DCDC1: variants seen among roughly 807,000 people sequenced by gnomAD.
The protein encoded by DCDC1 is doublecortin domain containing 1, also known as doublecortin domain-containing protein 1.
DCDC1 carries 200 observed loss-of-function variants against 178.3 expected under a neutral mutation model. The ratio of observed to expected loss-of-function variants is 1.12; its 90% CI spans 1.00 to 1.26. The LOEUF (loss-of-function observed/expected upper bound fraction) is 1.26, where lower values mean the gene tolerates loss of function less well. Among genes scored for constraint, DCDC1 ranks in the 50% most tolerant of loss-of-function variants. The pLI is 0.00. For missense variants in DCDC1, 1,983 were observed against 1,749.2 expected (o/e 1.13, Z -2.38); for synonymous variants, 690 against 604.8 (o/e 1.14, Z -2.07).
At chr11:31,214,026 T>A (rs1423360137) in intron 9 of DCDC1, among the ~76,000 whole-genome samples, 1 of 152,156 alleles carries the variant, frequency 6.6e-6, no homozygotes, top group African/African-American at 2.4e-5. Flanking sequence ...ATTTATAAAT[T>A]TCTGTAATTT....
At position 30,924,004 on chromosome 11, in the gene DCDC1, T is replaced by C. The variant is rs146500881; in HGVS notation, c.2997+1305A>G. Among the ~76,000 whole-genome samples the C allele has an allele frequency of 1.8e-4, 28 of 152,310 alleles. No homozygotes were observed. In the South Asian group the frequency reaches 4.1e-3, roughly 23 times the overall value. ...CTAACTGTTTATGTTTCCATCTTCA[T>C]GTTACTCTTCAGAGCAGTGACAGAT... On this transcript the variant is annotated intron_variant, in intron 23 of 38. Coordinates refer to ENST00000684477, the MANE Select transcript of DCDC1 (RefSeq NM_001387274.1).
chr11:30,881,322 G>C lies in DCDC1; in HGVS notation c.5083-14C>G, dbSNP rs2133975693. 4 of 1,611,340 alleles carry C rather than the reference G, an allele frequency of 2.5e-6. No homozygotes were observed. In the East Asian group the frequency reaches 8.9e-5, roughly 36 times the overall value. On this transcript the variant is annotated splice_polypyrimidine_tract_variant and intron_variant, in intron 36 of 38. Transcript: ENST00000684477. ...GTCTTGCAGCAGCTGAGACACAGAGGGACAGCCACATTTGAATACGGAATG... is the reference window on the plus strand; with the variant it reads ...GTCTTGCAGCAGCTGAGACACAGAGCGACAGCCACATTTGAATACGGAATG...
At chr11:30,915,872 CAGCACTGCACTTCTA>C (rs1285085193) in intron 26 of DCDC1, among the ~76,000 whole-genome samples, 161 bp from the exon 27 acceptor site, 1 of 152,142 alleles carries the variant, frequency 6.6e-6, no homozygotes, top group East Asian at 1.9e-4. Context: ...GCAATGCTAC[CAGCACTGCACTTCTA>C]AGCTGACATA....
intron 7 of DCDC1, among the ~76,000 whole-genome samples, chr11:31,283,657 TG>T (rs1184908397): frequency 6.6e-6 from 1 of 152,144 alleles, no homozygotes; most frequent in Non-Finnish European, 1.5e-5. Context: ...CTGGTCAAAA[TG>T]CAAATGTCTC....
At chr11:31,033,550 T>C (rs1053098176) in intron 20 of DCDC1, among the ~76,000 whole-genome samples, 1 of 152,190 alleles carries the variant, frequency 6.6e-6, no homozygotes, top group African/African-American at 2.4e-5. Context: ...ATCTTAAGTT[T>C]TGGCTTAAGA....
chr11:30,917,523 T>C (rs1444195620), intron 25 of DCDC1, among the ~76,000 whole-genome samples: 1 of 152,194 alleles, frequency 6.6e-6, no homozygotes, highest in Non-Finnish European at 1.5e-5. Flanking sequence ...TCAAATAGCA[T>C]CTGCACATAT....
At chr11:31,238,828 A>G (rs1281475397) in intron 9 of DCDC1, among the ~76,000 whole-genome samples, 1 of 152,118 alleles carries the variant, frequency 6.6e-6, no homozygotes, top group Non-Finnish European at 1.5e-5. Context: ...TCTAAATAAA[A>G]TATCTCATTT....
intron 17 of DCDC1, among the ~76,000 whole-genome samples, chr11:31,079,054 T>C (rs1364750475): frequency 6.6e-6 from 1 of 152,110 alleles, no homozygotes; most frequent in African/African-American, 2.4e-5. Flanking sequence ...CCTTGAGTGA[T>C]AGAAGCATCT....
intron 1 of DCDC1, among the ~76,000 whole-genome samples, chr11:31,341,933 G>A (rs888363814): frequency 4.6e-5 from 7 of 151,982 alleles, no homozygotes; most frequent in African/African-American, 1.7e-4. Flanking sequence ...GGTGGAACTG[G>A]TGCCAGAAAA....
chr11:31,239,790 T>C (rs1462544840), intron 9 of DCDC1, among the ~76,000 whole-genome samples: 1 of 151,882 alleles, frequency 6.6e-6, no homozygotes, highest in Non-Finnish European at 1.5e-5. Context: ...TAATAAAATA[T>C]ATTTTTCATC....
intron 12 of DCDC1, 126 bp from the exon 13 acceptor site, chr11:31,107,086 TAGAATGTTAAA>T: frequency 1.7e-6 from 1 of 601,224 alleles, no homozygotes; most frequent in Admixed American, 3.0e-5. Context: ...TAAATTCATA[TAGAATGTTAAA>T]AGAAGTGTGA....
chr11:31,244,240 A>G (rs527253516), intron 8 of DCDC1, among the ~76,000 whole-genome samples: 5 of 151,760 alleles, frequency 3.3e-5, no homozygotes, highest in Admixed American at 2.0e-4. Context: ...GATTTTTTAA[A>G]AAAGAAGTCG....
At chr11:30,956,846 C>T (rs1948800541) in intron 20 of DCDC1, among the ~76,000 whole-genome samples, 1 of 152,160 alleles carries the variant, frequency 6.6e-6, no homozygotes, top group Non-Finnish European at 1.5e-5. Flanking sequence ...CTTAGCACTG[C>T]TGGGCCATCT....
chr11:31,281,349 T>C lies in DCDC1; in HGVS notation c.960+9298A>G, dbSNP rs1223370565. The stretch of plus-strand genomic sequence containing the variant: ...TCTGATCTTGAGGAAAACAGTTCAG[T>C]CTTTCATCATTAGGTATGTAGTTAA... On this transcript the variant is annotated intron_variant, in intron 7 of 38. Coordinates refer to ENST00000684477, the MANE Select transcript of DCDC1 (RefSeq NM_001387274.1). 3.3e-5 allele frequency among the ~76,000 whole-genome samples: 5 copies of C among 152,150 alleles called. No individual in the cohort carries two copies. The East Asian group carries it at 9.6e-4, about 29-fold the overall frequency.
At chr11:31,185,467 A>G (rs1324444265) in intron 9 of DCDC1, among the ~76,000 whole-genome samples, 5 of 152,144 alleles carry the variant, frequency 3.3e-5, no homozygotes, top group African/African-American at 1.2e-4. Context: ...ATTAGCAGAA[A>G]AAAGGAAAGA....
intron 18 of DCDC1, among the ~76,000 whole-genome samples, chr11:31,068,904 T>C (rs943776070): frequency 5.9e-5 from 9 of 152,028 alleles, no homozygotes; most frequent in African/African-American, 1.9e-4. Context: ...CATGCTGGAA[T>C]GCAGTGGTGC....
intron 9 of DCDC1, among the ~76,000 whole-genome samples, chr11:31,166,060 G>C (rs1046931924): frequency 6.6e-6 from 1 of 152,120 alleles, no homozygotes; most frequent in African/African-American, 2.4e-5. Context: ...AATAAATTTA[G>C]TATCTACTGT....
At chr11:30,928,944 AAAT>A (rs1946759938) in intron 22 of DCDC1, among the ~76,000 whole-genome samples, 2 of 152,060 alleles carry the variant, frequency 1.3e-5, no homozygotes, top group Non-Finnish European at 1.5e-5. Context: ...ACTGAAAAAT[AAAT>A]AATGATGATC....
At chr11:31,027,079 C>T (rs895654306) in intron 20 of DCDC1, among the ~76,000 whole-genome samples, 1 of 151,742 alleles carries the variant, frequency 6.6e-6, no homozygotes, top group African/African-American at 2.4e-5. Context: ...ACCAAACCAA[C>T]ATCATTTGCA....
Sources: allele counts gnomAD v4.1 joint callset (sites outside exome capture counted in the v4.1 genomes callset), GRCh38; gene constraint gnomAD v4.1.1; transcripts MANE v1.5; gene names NCBI Gene and HGNC (gene_info 2026-07-23, HGNC 2026-07-21).